The following LRRC7 variants were observed in gnomAD, a reference collection of about 807,000 sequenced individuals.
LRRC7 encodes the protein leucine-rich repeat-containing protein 7.
In LRRC7, 23 loss-of-function variants were observed where a neutral mutation model predicts 175.7. The observed-to-expected ratio is 0.13, with a 90% CI of 0.09 to 0.19. The LOEUF is 0.19. Among genes scored for constraint, LRRC7 ranks in the 10% least tolerant of loss-of-function variants. The pLI, the probability that LRRC7 is intolerant of heterozygous loss-of-function variation, is 1.00. For synonymous variants in LRRC7, 685 were observed against 680.9 expected (o/e 1.01, Z -0.09); for missense variants, 1,354 against 1,904.7 (o/e 0.71, Z 5.38).
intron 1 of LRRC7, among the ~76,000 whole-genome samples, chr1:69,598,244 A>G (rs1646918696): frequency 6.6e-6 from 1 of 152,120 alleles, no homozygotes; most frequent in Non-Finnish European, 1.5e-5. Context: ...CTAAACTTTC[A>G]GGAATATAGT....
At chr1:69,836,879 CA>C (rs200623992) in intron 6 of LRRC7, among the ~76,000 whole-genome samples, 70 of 122,642 alleles carry the variant, frequency 5.7e-4, no homozygotes, top group South Asian at 1.0e-3. Flanking sequence ...TGATAGGAGG[CA>C]AAAAAAAAAG....
chr1:70,128,182 G>A lies in LRRC7; in HGVS notation c.*6295G>A, dbSNP rs140780033. On this transcript the variant is annotated 3_prime_UTR_variant, in exon 27 of 27. Transcript: ENST00000651989. Reference sequence around the variant, plus strand: ...TCACCGTGTTGGCCAGGCTGGTCTCGAACACCTGGCCTCAAAAGATCCACC... The same window carrying A: ...TCACCGTGTTGGCCAGGCTGGTCTCAAACACCTGGCCTCAAAAGATCCACC... Among the ~76,000 whole-genome samples the A allele has an allele frequency of 2.4e-3, 360 of 152,190 alleles. 1 individual carries two copies. Among genetic ancestry groups the A allele is most frequent in the African/African-American group, 6.3e-3 (262 of 41,534 alleles).
chr1:69,758,848 C>T (rs1557690668), intron 2 of LRRC7, among the ~76,000 whole-genome samples: 1 of 151,980 alleles, frequency 6.6e-6, no homozygotes. Flanking sequence ...CAAAATGCTA[C>T]ATTGTTTTTA....
intron 21 of LRRC7, among the ~76,000 whole-genome samples, chr1:70,042,954 A>G (rs1188248774): frequency 6.6e-6 from 1 of 152,106 alleles, no homozygotes; most frequent in Non-Finnish European, 1.5e-5. Flanking sequence ...ATGTTCAGTA[A>G]TATTTGGCTT....
intron 8 of LRRC7, among the ~76,000 whole-genome samples, chr1:69,936,023 C>T (rs1313106964): frequency 2.6e-5 from 4 of 152,052 alleles, no homozygotes; most frequent in Admixed American, 1.3e-4. Context: ...TCCAGAGACT[C>T]AGCTTTCCAA....
intron 8 of LRRC7, among the ~76,000 whole-genome samples, chr1:69,944,377 A>G (rs1649080308): frequency 6.6e-6 from 1 of 152,078 alleles, no homozygotes; most frequent in Admixed American, 6.6e-5. Context: ...CTCATTCATC[A>G]ATGGACATGT....
At chr1:69,959,326 G>A (rs1447175096) in intron 8 of LRRC7, among the ~76,000 whole-genome samples, 4 of 152,034 alleles carry the variant, frequency 2.6e-5, no homozygotes, top group Non-Finnish European at 4.4e-5. Context: ...ATGAATCTCA[G>A]CTTAGGAAGG....
chr1:69,843,856 A>G (rs1221757618), intron 7 of LRRC7, among the ~76,000 whole-genome samples: 1 of 152,150 alleles, frequency 6.6e-6, no homozygotes, highest in Non-Finnish European at 1.5e-5. Flanking sequence ...AAGAAGACTA[A>G]AGAGACTAAA....
intron 7 of LRRC7, among the ~76,000 whole-genome samples, chr1:69,916,068 A>C (rs1164085596): frequency 8.9e-6 from 1 of 112,954 alleles, no homozygotes; most frequent in African/African-American, 3.6e-5. Context: ...TGTATATTTT[A>C]TATATATAAT....
rs1209322367 is a variant in LRRC7, at chr1:70,136,525, A to G, written c.*14638A>G. ...GGGGTTATGTTCAAAATTCTATTATAAGAACAATGGAAGATATAAATAAGC... is the reference window on the plus strand; with the variant it reads ...GGGGTTATGTTCAAAATTCTATTATGAGAACAATGGAAGATATAAATAAGC... On this transcript the variant is annotated 3_prime_UTR_variant, in exon 27 of 27. Transcript: ENST00000651989. 2.0e-5 allele frequency among the ~76,000 whole-genome samples: 3 copies of G among 152,114 alleles called. No individual in the cohort carries two copies. The highest frequency in any genetic ancestry group is 4.4e-5 in the Non-Finnish European group (3 of 68,014).
chr1:69,850,349 C>A (rs1410789298), intron 7 of LRRC7, among the ~76,000 whole-genome samples: 1 of 151,932 alleles, frequency 6.6e-6, no homozygotes, highest in Admixed American at 6.6e-5. Flanking sequence ...TTATGAACTG[C>A]CTTGTGAGCC....
chr1:70,081,717 C>T (rs568272915), intron 24 of LRRC7, among the ~76,000 whole-genome samples: 67 of 152,238 alleles, frequency 4.4e-4, no homozygotes, highest in Admixed American at 1.2e-3. Flanking sequence ...AAGAGTGAAA[C>T]GATGGAAAAA....
intron 7 of LRRC7, among the ~76,000 whole-genome samples, chr1:69,864,504 A>G (rs1684703429): frequency 6.6e-6 from 1 of 152,242 alleles, no homozygotes; most frequent in African/African-American, 2.4e-5. Flanking sequence ...TGGATGTTTC[A>G]AATACTGTGA....
intron 1 of LRRC7, among the ~76,000 whole-genome samples, chr1:69,650,682 C>A (rs1655703915): frequency 6.6e-6 from 1 of 151,910 alleles, no homozygotes; most frequent in Admixed American, 6.6e-5. Context: ...CGTCTTTAAG[C>A]TTTGTATAAA....
intron 2 of LRRC7, among the ~76,000 whole-genome samples, chr1:69,696,098 C>T (rs543910700): frequency 3.3e-5 from 5 of 152,190 alleles, no homozygotes; most frequent in East Asian, 3.9e-4. Flanking sequence ...TCATTGGCCT[C>T]GACAGGCTAC....
chr1:69,575,809 A>G (rs1645922258), intron 1 of LRRC7, among the ~76,000 whole-genome samples: 1 of 152,196 alleles, frequency 6.6e-6, no homozygotes, highest in Non-Finnish European at 1.5e-5. Context: ...AAAAACAAGG[A>G]GGACTTTAAG....
intron 2 of LRRC7, among the ~76,000 whole-genome samples, chr1:69,718,209 G>A (rs560079305): frequency 1.4e-4 from 21 of 148,680 alleles, no homozygotes; most frequent in African/African-American, 5.3e-4. Context: ...AAGAAACATG[G>A]TAGCAATATG....
At chr1:69,779,375 A>G (rs1405126895) in intron 3 of LRRC7, among the ~76,000 whole-genome samples, 1 of 152,218 alleles carries the variant, frequency 6.6e-6, no homozygotes, top group South Asian at 2.1e-4. Flanking sequence ...TTTTAAATTC[A>G]GCTTTCACAT....
chr1:70,135,922 C>G lies in LRRC7; in HGVS notation c.*14035C>G, dbSNP rs533360985. On this transcript the variant is annotated 3_prime_UTR_variant, in exon 27 of 27. Coordinates refer to ENST00000651989, the MANE Select transcript of LRRC7 (RefSeq NM_001370785.2). ...TCTCACAGTCTCATTATGATCAAGA[C>G]AGATATTCTAGCAGGACATCACTGC... Among the ~76,000 whole-genome samples, 1 of 152,160 alleles carries G rather than the reference C, an allele frequency of 6.6e-6. No homozygotes were observed. The highest frequency in any genetic ancestry group is 2.4e-5 in the African/African-American group (1 of 41,428).
Sources: gnomAD v4.1 joint callset for allele counts (sites outside exome capture counted in the v4.1 genomes callset) on GRCh38, gnomAD v4.1.1 for gene constraint, MANE v1.5 for transcripts, NCBI Gene and HGNC (gene_info 2026-07-23, HGNC 2026-07-21) for gene names.